ADAMTS17: variants seen among roughly 807,000 people sequenced by gnomAD.
ADAMTS17 encodes ADAM metallopeptidase with thrombospondin type 1 motif 17.
In ADAMTS17, 113 loss-of-function variants were observed where a neutral mutation model predicts 141.5. The observed-to-expected ratio is 0.80, with a 90% confidence interval of 0.69 to 0.93. The LOEUF (loss-of-function observed/expected upper bound fraction) is 0.93. ADAMTS17 is among the 40% of genes least tolerant of loss of function. ADAMTS17 has a pLI of 0.00. For synonymous variants in ADAMTS17, 768 were observed against 630.6 expected (o/e 1.22, Z -3.27); for missense variants, 1,659 against 1,517.9 (o/e 1.09, Z -1.54).
intron 21 of ADAMTS17, 88 bp from the exon 22 acceptor site, chr15:99,974,650 G>A (rs1030971543): frequency 2.4e-5 from 37 of 1,545,282 alleles, no homozygotes; most frequent in Admixed American, 8.4e-5. Context: ...TGGTCTGACC[G>A]TCTGGGCTCC....
chr15:100,326,577 T>G (rs747964809), intron 3 of ADAMTS17, among the ~76,000 whole-genome samples: 1 of 152,184 alleles, frequency 6.6e-6, no homozygotes, highest in Non-Finnish European at 1.5e-5. Flanking sequence ...ATTTGAGATG[T>G]CCTAAATCTA....
intron 15 of ADAMTS17, among the ~76,000 whole-genome samples, chr15:100,081,404 A>G (rs764927289): frequency 6.6e-6 from 1 of 152,224 alleles, no homozygotes; most frequent in South Asian, 2.1e-4. Context: ...ACTCCCATAT[A>G]TATGTATGTG....
chr15:100,204,751 A>C (rs894040268), intron 7 of ADAMTS17, among the ~76,000 whole-genome samples: 1 of 152,218 alleles, frequency 6.6e-6, no homozygotes, highest in Non-Finnish European at 1.5e-5. Flanking sequence ...TAACATCAAA[A>C]GCACAAGTAG....
At chr15:100,234,766 G>C (rs183961862) in intron 7 of ADAMTS17, among the ~76,000 whole-genome samples, 1 of 152,122 alleles carries the variant, frequency 6.6e-6, no homozygotes, top group Non-Finnish European at 1.5e-5. Context: ...CTGCCTCTCC[G>C]GGAAACCTTC....
chr15:100,137,903 T>C (rs1344364400), intron 10 of ADAMTS17, among the ~76,000 whole-genome samples: 1 of 151,992 alleles, frequency 6.6e-6, no homozygotes, highest in Non-Finnish European at 1.5e-5. Flanking sequence ...ACCCACCCTT[T>C]CACTGCCAAC....
intron 3 of ADAMTS17, among the ~76,000 whole-genome samples, chr15:100,325,584 C>A (rs2045875679): frequency 6.6e-6 from 1 of 152,152 alleles, no homozygotes; most frequent in Non-Finnish European, 1.5e-5. Context: ...TTAGTGCCAT[C>A]CCCGTGGTGA....
chr15:99,975,044 C>T (rs1305384091), intron 21 of ADAMTS17, among the ~76,000 whole-genome samples: 3 of 152,146 alleles, frequency 2.0e-5, no homozygotes, highest in Middle Eastern at 3.2e-3. Context: ...CCAAGCAGGC[C>T]GGTGCTTGAA....
Position 100,133,327 on chromosome 15 carries a change from G to A in ADAMTS17, c.1474-12C>T, listed in dbSNP as rs1360457610. On this transcript the variant is annotated splice_polypyrimidine_tract_variant and intron_variant, in intron 10 of 21. Coordinates refer to ENST00000268070, the MANE Select transcript of ADAMTS17 (RefSeq NM_139057.4). ...GCACACATTAGATGCTGCAGGACAA[G>A]GGAAGGAACCATAATTGTGGAGAAC... 9 of 1,570,074 alleles carry A rather than the reference G, an allele frequency of 5.7e-6. No homozygotes were observed. Among genetic ancestry groups the A allele is most frequent in the African/African-American group, 1.3e-5 (1 of 74,264 alleles).
intron 2 of ADAMTS17, among the ~76,000 whole-genome samples, chr15:100,336,102 T>C (rs557974213): frequency 6.6e-6 from 1 of 152,252 alleles, no homozygotes; most frequent in Non-Finnish European, 1.5e-5. Context: ...CATCTTTTAC[T>C]TCTTTTTCGT....
chr15:100,336,733 G>A (rs1348452046), intron 2 of ADAMTS17, among the ~76,000 whole-genome samples: 2 of 152,066 alleles, frequency 1.3e-5, no homozygotes, highest in African/African-American at 4.8e-5. Context: ...TTATAAAGCT[G>A]GGCAATTTTG....
At chr15:100,211,228 G>A (rs968924965) in intron 7 of ADAMTS17, among the ~76,000 whole-genome samples, 3 of 150,426 alleles carry the variant, frequency 2.0e-5, no homozygotes, top group Admixed American at 6.6e-5. Context: ...CCTGGGAGGT[G>A]GAGGTTGCAG....
chr15:99,989,218 G>C (rs2060647072), intron 20 of ADAMTS17, among the ~76,000 whole-genome samples: 1 of 152,174 alleles, frequency 6.6e-6, no homozygotes, highest in South Asian at 2.1e-4. Flanking sequence ...GACAACCTTG[G>C]CTGGAGGGGA....
chr15:100,183,599 T>G (rs1403467571), intron 8 of ADAMTS17, among the ~76,000 whole-genome samples: 1 of 152,252 alleles, frequency 6.6e-6, no homozygotes, highest in Non-Finnish European at 1.5e-5. Context: ...TAATCGTCGT[T>G]AGACAATTCC....
At chr15:99,982,714 C>T (rs960078054) in intron 20 of ADAMTS17, among the ~76,000 whole-genome samples, 1 of 152,218 alleles carries the variant, frequency 6.6e-6, no homozygotes, top group African/African-American at 2.4e-5. Flanking sequence ...TCATCACATC[C>T]AATTTCATGT....
At chr15:100,261,749 T>C in intron 5 of ADAMTS17, 113 bp from the exon 6 acceptor site, 1 of 1,259,818 alleles carries the variant, frequency 7.9e-7, no homozygotes. Flanking sequence ...AGACATCATT[T>C]GATGACTCAC....
At chr15:100,172,548 G>A (rs1353305453) in intron 8 of ADAMTS17, among the ~76,000 whole-genome samples, 1 of 152,090 alleles carries the variant, frequency 6.6e-6, no homozygotes, top group Non-Finnish European at 1.5e-5. Context: ...CCTCTGTCCT[G>A]ATTCATCCCA....
intron 14 of ADAMTS17, 29 bp from the exon 15 acceptor site, chr15:100,096,505 G>A: frequency 6.2e-7 from 1 of 1,613,912 alleles, no homozygotes; most frequent in Non-Finnish European, 8.5e-7. Context: ...TCATTATTCT[G>A]TGGTTAAGAC....
intron 8 of ADAMTS17, among the ~76,000 whole-genome samples, chr15:100,179,509 G>A (rs1391725194): frequency 1.3e-5 from 2 of 152,134 alleles, no homozygotes; most frequent in African/African-American, 4.8e-5. Context: ...ATAAACATGC[G>A]AGTGCAGATA....
At chr15:100,022,834 C>T (rs781775042) in intron 18 of ADAMTS17, among the ~76,000 whole-genome samples, 5 of 152,192 alleles carry the variant, frequency 3.3e-5, no homozygotes, top group Middle Eastern at 3.4e-3. Flanking sequence ...AAACCACGTC[C>T]GTAAGCCTTC....
Sources: allele counts gnomAD v4.1 joint callset (sites outside exome capture counted in the v4.1 genomes callset), GRCh38; gene constraint gnomAD v4.1.1; transcripts MANE v1.5; gene names NCBI Gene and HGNC (gene_info 2026-07-23, HGNC 2026-07-21).